Variants in USP43 observed in about 807,000 individuals in gnomAD.
USP43 encodes the protein ubiquitin carboxyl-terminal hydrolase 43.
In USP43, 33 loss-of-function variants were observed where a neutral mutation model predicts 90.7. The observed-to-expected ratio is 0.36, with a 90% CI of 0.28 to 0.49. USP43 has a LOEUF of 0.49. Ranked by LOEUF, USP43 falls within the 20% of genes least tolerant of loss-of-function variation. The probability of loss-of-function intolerance (pLI) is 0.98; values close to 1 mark genes in which losing one functional copy is unlikely to be tolerated. For synonymous variants in USP43, 598 were observed against 615.8 expected, an observed-to-expected ratio of 0.97 and a Z score of 0.43; for missense variants, 1,274 against 1,476.4, an observed-to-expected ratio of 0.86 and a Z score of 2.25.
chr17:9,656,251 C>T lies in USP43; in HGVS notation c.505-152C>T, dbSNP rs115808977. ...ATTGCCCCAAAAGGACGGGCTTTGG[C>T]GTGAAAGAACATTTCTACCCCGGCT... is the stretch of plus-strand genomic sequence containing the variant. On this transcript the variant is annotated intron_variant, in intron 1 of 14. Coordinates refer to ENST00000285199, the MANE Select transcript of USP43 (RefSeq NM_153210.5). 1,112 of 568,804 alleles carry T rather than the reference C, an allele frequency of 2.0e-3. 12 individuals carry two copies. The African/African-American group carries it at 0.021, about 11-fold the overall frequency. 35.2% of individuals were successfully genotyped at this position (568,804 alleles called of 1,614,324 possible).
At chr17:9,710,802 C>T (rs1916148122) in intron 13 of USP43, among the ~76,000 whole-genome samples, 1 of 152,044 alleles carries the variant, frequency 6.6e-6, no homozygotes. Context: ...TGCACTCAAG[C>T]AATTCATTTA....
chr17:9,660,177 G>A (rs1390680305), intron 2 of USP43, among the ~76,000 whole-genome samples: 1 of 152,074 alleles, frequency 6.6e-6, no homozygotes, highest in Non-Finnish European at 1.5e-5. Flanking sequence ...TTGAGATGGA[G>A]TCTTGCTGTG....
rs1293892340 is a variant in USP43, at chr17:9,712,120, A to C, written c.2323A>C (p.Asn775His). 3.8e-6 allele frequency: 6 copies of C among 1,591,594 alleles called. No individual in the cohort carries two copies. The East Asian group carries it at 1.4e-4, about 36-fold the overall frequency. The change falls in exon 14 of 15, where the codon AAT (asparagine) becomes CAT (histidine). Residue 775 changes from asparagine (N) to histidine (H), a missense_variant. Physicochemically the swap from Asn to His is moderately conservative, Grantham distance 68. This residue lies in a region of USP43 where 285 missense variants were observed against 349.6 expected (regional missense o/e 0.82). Coordinates refer to ENST00000285199, the MANE Select transcript of USP43 (RefSeq NM_153210.5). ...DSPIFTNSLC[N>H]QEKGGLEPRR... ...TCCCATCTTCACCAACAGCCTCTGC[A>C]ATCAGGAAAAGGGTATGTTGGTTAA...
chr17:9,720,159 C>T (rs901927187), intron 14 of USP43, among the ~76,000 whole-genome samples: 1 of 151,692 alleles, frequency 6.6e-6, no homozygotes, highest in Non-Finnish European at 1.5e-5. Flanking sequence ...AACCCCGTCT[C>T]TACTAAAAAC....
intron 8 of USP43, among the ~76,000 whole-genome samples, chr17:9,687,802 T>C (rs553558654): frequency 1.3e-5 from 2 of 152,296 alleles, no homozygotes; most frequent in African/African-American, 4.8e-5. Flanking sequence ...TTAAAAACCT[T>C]CACTACATTT....
intron 8 of USP43, among the ~76,000 whole-genome samples, chr17:9,689,606 G>T (rs1177598891): frequency 6.6e-6 from 1 of 151,952 alleles, no homozygotes; most frequent in African/African-American, 2.4e-5. Context: ...CAGTGATAGG[G>T]TCTCACTGTG....
chr17:9,714,513 C>T lies in USP43; in HGVS notation c.2335+2381C>T, dbSNP rs558850729. Among the ~76,000 whole-genome samples, 4 of 130,464 alleles carry T rather than the reference C, an allele frequency of 3.1e-5. No individual in the cohort carries two copies. In the East Asian group the frequency reaches 8.4e-4, roughly 28 times the overall value. 85.6% of individuals were successfully genotyped at this position (130,464 alleles called of 152,430 possible). The stretch of plus-strand genomic sequence containing the variant: ...TGACCAACATGGTGAAACCCCGTCT[C>T]TACTAAAAATACAAAAAAAATTAGC... On this transcript the variant is annotated intron_variant, in intron 14 of 14. Coordinates refer to ENST00000285199, the MANE Select transcript of USP43 (RefSeq NM_153210.5).
intron 14 of USP43, among the ~76,000 whole-genome samples, chr17:9,722,454 C>G (rs978305182): frequency 6.6e-6 from 1 of 152,126 alleles, no homozygotes; most frequent in Admixed American, 6.6e-5. Flanking sequence ...GTAACAGCTG[C>G]GAAACTTGAT....
intron 1 of USP43, among the ~76,000 whole-genome samples, chr17:9,650,624 A>C (rs1431648206): frequency 6.6e-6 from 1 of 152,096 alleles, no homozygotes; most frequent in African/African-American, 2.4e-5. Flanking sequence ...GCTGGTCTCA[A>C]ACGCCTGACC....
chr17:9,728,826 C>T lies in USP43; in HGVS notation c.3208C>T (p.Leu1070Phe), dbSNP rs912999773. ...ERDVWSAPSS[L>F]RLPRKASRAP... Reference sequence around the variant, plus strand: ...GGATGTCTGGTCAGCCCCCAGCTCTCTCCGCCTCCCTCGTAAAGCCAGCAG... The same window carrying T: ...GGATGTCTGGTCAGCCCCCAGCTCTTTCCGCCTCCCTCGTAAAGCCAGCAG... Residue 1070 changes from leucine (L) to phenylalanine (F), a missense_variant, in exon 15 of 15, where the codon CTC becomes TTC. Leu to Phe is a conservative substitution (Grantham distance 22). Transcript: ENST00000285199. The surrounding 1 kb of genome is among the most constrained non-coding windows in gnomAD (Gnocchi z 6.2). 6.2e-7 allele frequency: 1 copy of T among 1,613,676 alleles called. No homozygotes were observed. Among genetic ancestry groups the T allele is most frequent in the East Asian group, 2.2e-5 (1 of 44,874 alleles).
In USP43 at chr17:9,676,750, T is replaced by C; in HGVS notation, c.838T>C (p.Leu280=). 1.9e-6 allele frequency: 3 copies of C among 1,613,354 alleles called. No homozygotes were observed. Among genetic ancestry groups the C allele is most frequent in the Non-Finnish European group, 2.5e-6 (3 of 1,179,574 alleles). ...TTGCCCCTTCCTATTTTCCAGGTTCTTGAGTGTCACCTTGGTCTTCCCCTC... is the reference window on the plus strand; with the variant it reads ...TTGCCCCTTCCTATTTTCCAGGTTCCTGAGTGTCACCTTGGTCTTCCCCTC... ...LPIPLRQTRF[L]SVTLVFPSKS... The change falls in exon 5 of 15, where the codon TTG becomes CTG. Residue 280 remains leucine (L), a synonymous_variant. Transcript: ENST00000285199.
rs144399246 is a variant in USP43 at position 9,693,094 on chromosome 17, C to T, written c.1354-33C>T. 6.5e-4 allele frequency: 1,015 copies of T among 1,553,678 alleles called. 4 individuals carry two copies. In the African/African-American group the frequency reaches 0.012, roughly 18 times the overall value. On this transcript the variant is annotated intron_variant, in intron 8 of 14. Transcript: ENST00000285199. Reference sequence around the variant, plus strand: ...CTAATTTAAATCAATATAGGGGCTACGTAATGATCCATGTCTGTTTTTGTC... The same window carrying T: ...CTAATTTAAATCAATATAGGGGCTATGTAATGATCCATGTCTGTTTTTGTC...
rs1363493298 is a variant in USP43, at chr17:9,681,478, A to ATATATATATT, written c.1105+1121_1105+1122insTTATATATAT. Among the ~76,000 whole-genome samples the ATATATATATT allele has an allele frequency of 2.4e-3, 53 of 22,416 alleles. 2 individuals carry two copies. Among genetic ancestry groups the ATATATATATT allele is most frequent in the Middle Eastern group, 0.016 (1 of 64 alleles). 14.7% of individuals were successfully genotyped at this position (22,416 alleles called of 152,430 possible). On this transcript the variant is annotated intron_variant, in intron 6 of 14. Coordinates refer to ENST00000285199, the MANE Select transcript of USP43 (RefSeq NM_153210.5). ...TAAAATATATTATATATATATATAT[A>ATATATATATT]TATATATATATATATATATATATAT...
chr17:9,726,295 C>G (rs1917268146), intron 14 of USP43, among the ~76,000 whole-genome samples: 1 of 152,236 alleles, frequency 6.6e-6, no homozygotes, highest in Admixed American at 6.5e-5. Context: ...TGGCCCTTCT[C>G]TGTGTCACAC....
At chr17:9,670,241 G>T (rs1367167503) in intron 3 of USP43, among the ~76,000 whole-genome samples, 1 of 151,816 alleles carries the variant, frequency 6.6e-6, no homozygotes, top group Non-Finnish European at 1.5e-5. Flanking sequence ...GTTTCATCAT[G>T]CTGGCCAGGC....
chr17:9,719,129 C>G (rs1458972469), intron 14 of USP43, among the ~76,000 whole-genome samples: 1 of 151,562 alleles, frequency 6.6e-6, no homozygotes, highest in African/African-American at 2.4e-5. Flanking sequence ...ACTCCGTGTC[C>G]AAAAAAAAGT....
intron 14 of USP43, among the ~76,000 whole-genome samples, chr17:9,725,730 CTA>C (rs1313838734): frequency 6.6e-6 from 1 of 152,120 alleles, no homozygotes; most frequent in Non-Finnish European, 1.5e-5. Context: ...AGAGACTTTC[CTA>C]CCAGGAAGAA....
At chr17:9,715,867 CTG>C (rs938217398) in intron 14 of USP43, among the ~76,000 whole-genome samples, 1 of 139,968 alleles carries the variant, frequency 7.1e-6, no homozygotes, top group African/African-American at 2.7e-5. Flanking sequence ...GTGTGTGTCT[CTG>C]TGTATCTGTG....
chr17:9,675,645 AC>A (rs1913720900), intron 4 of USP43, among the ~76,000 whole-genome samples: 1 of 152,042 alleles, frequency 6.6e-6, no homozygotes, highest in African/African-American at 2.4e-5. Flanking sequence ...CATTTCTCTT[AC>A]CCTCTTCCTA....
Sources: gnomAD v4.1 joint callset for allele counts (sites outside exome capture counted in the v4.1 genomes callset) on GRCh38, gnomAD v4.1.1 for gene constraint, gnomAD v4.1.1 regional missense constraint, Gnocchi (gnomAD v3.1) non-coding constraint, MANE v1.5 for transcripts, NCBI Gene and HGNC (gene_info 2026-07-23, HGNC 2026-07-21) for gene names.